COPG2: variants seen among roughly 807,000 people sequenced by gnomAD.
COPG2 encodes coat protein complex I subunit gamma 2, also known as coatomer subunit gamma-2.
In COPG2, 37 loss-of-function variants were observed where a neutral mutation model predicts 46.3. The ratio of observed to expected loss-of-function variants is 0.80; its 90% CI spans 0.61 to 1.05. The LOEUF (loss-of-function observed/expected upper bound fraction) is 1.05, where lower values mean the gene tolerates loss of function less well. Ranked by LOEUF, COPG2 falls within the 50% of genes least tolerant of loss-of-function variation. COPG2 has a pLI of 0.00. For missense variants in COPG2, 427 were observed against 387.8 expected (o/e 1.10, Z -0.85); for synonymous variants, 159 against 129.7 (o/e 1.23, Z -1.53).
chr7:130,562,675 T>C (rs1793737675), intron 11 of COPG2, among the ~76,000 whole-genome samples: 1 of 152,174 alleles, frequency 6.6e-6, no homozygotes, highest in Non-Finnish European at 1.5e-5. Context: ...ATACTGGATG[T>C]CAAAAACTTG....
At chr7:130,589,453 TA>T (rs1309165527) in intron 9 of COPG2, among the ~76,000 whole-genome samples, 20 of 148,324 alleles carry the variant, frequency 1.3e-4, no homozygotes, top group East Asian at 7.8e-4. Flanking sequence ...CTGGCTAACT[TA>T]AAAAAAAAAA....
At chr7:130,511,607 C>T (rs781990813) in intron 20 of COPG2, 3 of 518,880 alleles carry the variant, frequency 5.8e-6, no homozygotes, top group Non-Finnish European at 1.2e-5. Context: ...GAATGACACA[C>T]ATCAACAGGA....
At chr7:130,563,244 C>T (rs1793745054) in intron 11 of COPG2, 25 bp downstream of exon 11, 2 of 397,626 alleles carry the variant, frequency 5.0e-6, no homozygotes, top group Non-Finnish European at 8.9e-6. Context: ...TGATATAAGT[C>T]AATAATTAGC....
At chr7:130,604,604 G>A (rs1178373526) in intron 9 of COPG2, 3 of 363,664 alleles carry the variant, frequency 8.2e-6, no homozygotes, top group African/African-American at 4.3e-5. Flanking sequence ...TATATATATA[G>A]CCATATTATC....
At chr7:130,565,602 C>T (rs1274005250) in intron 9 of COPG2, among the ~76,000 whole-genome samples, 1 of 152,042 alleles carries the variant, frequency 6.6e-6, no homozygotes, top group Non-Finnish European at 1.5e-5. Context: ...CTGAGGAAGC[C>T]CAGATGTTGA....
rs375362166 is a variant in COPG2, at chr7:130,575,563, C to T, written c.738-11170G>A. On this transcript the variant is annotated intron_variant, in intron 9 of 23. Transcript: ENST00000425248. ...GGACTACTAAAAGGAGCCCTATATC[C>T]TGAAACAAATCCTGGAAACACATCA... Among the ~76,000 whole-genome samples the T allele has an allele frequency of 2.0e-3, 306 of 152,250 alleles. 2 individuals carry two copies. Among genetic ancestry groups the T allele is most frequent in the African/African-American group, 6.7e-3 (277 of 41,540 alleles).
chr7:130,607,984 T>C (rs1554451509), intron 9 of COPG2, among the ~76,000 whole-genome samples: 2 of 152,206 alleles, frequency 1.3e-5, no homozygotes, highest in Non-Finnish European at 2.9e-5. Flanking sequence ...TATAGCTTTG[T>C]ACTAATGTCA....
At chr7:130,660,845 A>C (rs1342080995) in intron 4 of COPG2, among the ~76,000 whole-genome samples, 3 of 152,080 alleles carry the variant, frequency 2.0e-5, no homozygotes, top group African/African-American at 7.2e-5. Flanking sequence ...CTCTTGACCT[A>C]CAATCCACTG....
At chr7:130,593,906 A>G (rs1169770521) in intron 9 of COPG2, among the ~76,000 whole-genome samples, 3 of 152,230 alleles carry the variant, frequency 2.0e-5, no homozygotes, top group African/African-American at 4.8e-5. Context: ...CACCAAACAC[A>G]TTATTTCTAA....
chr7:130,577,726 A>T (rs1794033326), intron 9 of COPG2, among the ~76,000 whole-genome samples: 1 of 144,572 alleles, frequency 6.9e-6, no homozygotes. Context: ...GCGCCACTGC[A>T]GTCCGCAGTC....
chr7:130,549,864 C>G (rs1440523293), intron 17 of COPG2, among the ~76,000 whole-genome samples: 1 of 151,992 alleles, frequency 6.6e-6, no homozygotes, highest in East Asian at 1.9e-4. Flanking sequence ...CCCATAAATT[C>G]TTTTAAGACG....
chr7:130,513,519 A>G (rs964159041), intron 20 of COPG2, among the ~76,000 whole-genome samples: 1 of 151,190 alleles, frequency 6.6e-6, no homozygotes, highest in Admixed American at 6.6e-5. Flanking sequence ...AAGCTGGGTT[A>G]CAACCAAAGA....
intron 14 of COPG2, among the ~76,000 whole-genome samples, chr7:130,554,183 A>AAAAT (rs1793579592): frequency 1.3e-5 from 2 of 152,136 alleles, no homozygotes; most frequent in South Asian, 2.1e-4. Context: ...GTCGCTTAAA[A>AAAAT]ATATATATAT....
intron 9 of COPG2, among the ~76,000 whole-genome samples, chr7:130,583,542 C>G (rs1482226213): frequency 9.7e-4 from 138 of 142,548 alleles, no homozygotes; most frequent in African/African-American, 3.2e-3. Flanking sequence ...TGCAGTGGCT[C>G]ACGCCTGTAA....
In COPG2 at chr7:130,522,489, G is replaced by A. The variant is rs1361073821; in HGVS notation, c.2150-13830C>T. ...GGTGTGGAAGCTATCAGGCCGATAC[G>A]AAGGGGGTTTAGAGTATAGGTCGCT... On this transcript the variant is annotated intron_variant, in intron 20 of 23. Coordinates refer to ENST00000425248, the MANE Select transcript of COPG2 (RefSeq NM_012133.6). 3.9e-5 allele frequency among the ~76,000 whole-genome samples: 6 copies of A among 152,064 alleles called. No individual in the cohort carries two copies. The East Asian group carries it at 5.8e-4, about 15-fold the overall frequency.
At chr7:130,667,414 G>C in intron 2 of COPG2, 68 bp downstream of exon 2, 1 of 1,277,448 alleles carries the variant, frequency 7.8e-7, no homozygotes, top group South Asian at 1.2e-5. Flanking sequence ...CAGCAGCCCA[G>C]GGATTCTCTG....
At chr7:130,572,380 T>TCG (rs1793921570) in intron 9 of COPG2, among the ~76,000 whole-genome samples, 1 of 152,140 alleles carries the variant, frequency 6.6e-6, no homozygotes, top group Non-Finnish European at 1.5e-5. Context: ...TAACTGATTA[T>TCG]AGAAAACATT....
chr7:130,602,127 T>A (rs1330597832), intron 9 of COPG2, among the ~76,000 whole-genome samples: 1 of 152,218 alleles, frequency 6.6e-6, no homozygotes, highest in East Asian at 1.9e-4. Flanking sequence ...TAGGGAATAG[T>A]AAGTATTACT....
intron 6 of COPG2, among the ~76,000 whole-genome samples, chr7:130,615,396 T>C (rs1239464035): frequency 5.3e-5 from 8 of 152,172 alleles, no homozygotes. Context: ...GCCTGGCATA[T>C]AATAGGAGCT....
Sources: gnomAD v4.1 joint callset for allele counts (sites outside exome capture counted in the v4.1 genomes callset) on GRCh38, gnomAD v4.1.1 for gene constraint, MANE v1.5 for transcripts, NCBI Gene and HGNC (gene_info 2026-07-23, HGNC 2026-07-21) for gene names.